GNAS: variants seen among roughly 807,000 people sequenced by gnomAD.
GNAS encodes the protein GNAS complex locus.
In GNAS, 8 loss-of-function variants were observed where a neutral mutation model predicts 54.5. That is an observed-to-expected ratio of 0.15 (90% confidence interval 0.09 to 0.26). GNAS has a LOEUF of 0.26. Ranked by LOEUF, GNAS falls within the 10% of genes least tolerant of loss-of-function variation. The probability of loss-of-function intolerance (pLI) is 1.00; values close to 1 mark genes in which losing one functional copy is unlikely to be tolerated. For missense variants in GNAS, 170 were observed against 529.8 expected (o/e 0.32, Z 6.67); for synonymous variants, 204 against 191.4 (o/e 1.07, Z -0.54).
intron 1 of GNAS, among the ~76,000 whole-genome samples, chr20:58,893,426 T>G (rs1368636432): frequency 2.0e-5 from 3 of 152,202 alleles, no homozygotes; most frequent in African/African-American, 7.2e-5. Context: ...CTGAATAAAT[T>G]TGTGAATTTG....
chr20:58,843,980 A>T (rs2085843257), intron 1 of GNAS: 1 of 152,122 alleles, frequency 6.6e-6, no homozygotes. Flanking sequence ...AGCCTTTCTC[A>T]CCCTGGAGTT....
At chr20:58,878,912 T>TGGGGGGGGGG (rs11086659) in intron 1 of GNAS, among the ~76,000 whole-genome samples, 17 of 95,320 alleles carry the variant, frequency 1.8e-4, no homozygotes, top group Admixed American at 2.2e-4. Flanking sequence ...GGGGTGCGGG[T>TGGGGGGGGGG]GGGGGGGGGA....
chr20:58,854,510 A>T (rs773322632), intron 1 of GNAS: 1 of 1,574,384 alleles, frequency 6.4e-7, no homozygotes. Flanking sequence ...ACTCCGGGAC[A>T]GCACCAGCCG....
intron 1 of GNAS, chr20:58,892,305 G>A (rs1256330175): frequency 2.6e-6 from 1 of 390,630 alleles, no homozygotes; most frequent in East Asian, 1.7e-4. Context: ...GCGGGTAGAG[G>A]GAGGGGGACC....
At chr20:58,894,929 ACAT>A in intron 1 of GNAS, among the ~76,000 whole-genome samples, 1 of 152,224 alleles carries the variant, frequency 6.6e-6, no homozygotes, top group East Asian at 1.9e-4. Context: ...TTCCTCAGCA[ACAT>A]AGTTGTACCC....
At chr20:58,840,319 C>T (rs2085668597), upstream of GNAS, 5 of 1,612,910 alleles carry the variant, frequency 3.1e-6, no homozygotes, top group African/African-American at 4.0e-5. The surrounding 1 kb of genome is among the most constrained non-coding windows in gnomAD (Gnocchi z 6.0). Flanking sequence ...ACCACCGCTC[C>T]GGCGCCCAGG....
chr20:58,840,597 A>ACGCTCTCAAGTTGCGAAGCCC, upstream of GNAS: 1 of 1,610,634 alleles, frequency 6.2e-7, no homozygotes. This position sits in a 1 kb window ranked among gnomAD's most constrained non-coding sequence, Gnocchi z 6.0. Context: ...CAGCGTCTGC[A>ACGCTCTCAAGTTGCGAAGCCC]CGCTCTCAAG....
intron 1 of GNAS, chr20:58,850,565 C>T: frequency 2.5e-6 from 1 of 398,918 alleles, no homozygotes; most frequent in Non-Finnish European, 4.4e-6. Context: ...CCTGGGGCCT[C>T]AACTCCTTAT....
intron 1 of GNAS, among the ~76,000 whole-genome samples, chr20:58,870,236 TTC>T (rs1177205006): frequency 6.6e-6 from 1 of 152,248 alleles, no homozygotes; most frequent in Non-Finnish European, 1.5e-5. Context: ...TTAAAAAATT[TTC>T]TTTTACTTGA....
chr20:58,909,310 T>C lies in GNAS; in HGVS notation c.586-40T>C, dbSNP rs1290569344. The C allele has an allele frequency of 6.3e-7, 1 of 1,593,180 alleles. No homozygotes were observed. The highest frequency in any genetic ancestry group is 1.7e-4 in the Middle Eastern group (1 of 6,028). ...AGATTGGCAATTATTACTGTTTCGGTTGGCTTTGGTGAGATCCATTGACCT... is the reference window on the plus strand; with the variant it reads ...AGATTGGCAATTATTACTGTTTCGGCTGGCTTTGGTGAGATCCATTGACCT... On this transcript the variant is annotated intron_variant, in intron 7 of 12. Coordinates refer to ENST00000371085, the MANE Select transcript of GNAS (RefSeq NM_000516.7). The surrounding 1 kb of genome is among the most constrained non-coding windows in gnomAD (Gnocchi z 7.3).
At chr20:58,848,829 C>T (rs2086043327) in intron 1 of GNAS, 1 of 398,490 alleles carries the variant, frequency 2.5e-6, no homozygotes, top group African/African-American at 2.1e-5. Context: ...GGCCACACTT[C>T]TGGGGTCCCT....
chr20:58,855,130 G>C lies in GNAS; in HGVS notation c.43+14244G>C. The C allele has an allele frequency of 6.2e-7, 1 of 1,613,616 alleles. No homozygotes were observed. Among genetic ancestry groups the C allele is most frequent in the South Asian group, 1.1e-5 (1 of 91,058 alleles). On this transcript the variant is annotated intron_variant, in intron 1 of 12. Coordinates refer to the GNAS transcript ENST00000306090. ...CAAGCCTTCGGGGGCTGCTTCGGTCGATCTGAGAGTCCCCAGCCCAAAGCC... is the reference window on the plus strand; with the variant it reads ...CAAGCCTTCGGGGGCTGCTTCGGTCCATCTGAGAGTCCCCAGCCCAAAGCC...
chr20:58,890,281 ACGACGAGGGCGC>A (rs1006794626), upstream of GNAS, among the ~76,000 whole-genome samples: 14 of 151,054 alleles, frequency 9.3e-5, no homozygotes, highest in East Asian at 3.9e-4. Flanking sequence ...GCCGCCGACG[ACGACGAGGGCGC>A]CGAGGAGGGC....
At chr20:58,847,555 C>T (rs1202147484) in intron 1 of GNAS, among the ~76,000 whole-genome samples, 1 of 152,248 alleles carries the variant, frequency 6.6e-6, no homozygotes, top group African/African-American at 2.4e-5. Flanking sequence ...AAATTCTTTT[C>T]TACCTTCTCT....
upstream of GNAS, chr20:58,889,152 G>A: frequency 5.8e-6 from 7 of 1,213,262 alleles, no homozygotes; most frequent in Non-Finnish European, 7.4e-6. Flanking sequence ...GGGCCGGTTA[G>A]AAGCTCTGCT....
At chr20:58,851,336 C>T (rs1352910326) in intron 1 of GNAS, among the ~76,000 whole-genome samples, 2 of 152,032 alleles carry the variant, frequency 1.3e-5, no homozygotes, top group Admixed American at 6.5e-5. Flanking sequence ...TGCGGTGGTT[C>T]GCCCGCCTGC....
chr20:58,895,140 G>A, intron 1 of GNAS: 1 of 263,022 alleles, frequency 3.8e-6, no homozygotes, highest in Non-Finnish European at 7.4e-6. Context: ...AGACTGCAGT[G>A]TCTGGGCATT....
chr20:58,843,804 C>T (rs938938754), intron 1 of GNAS, among the ~76,000 whole-genome samples: 3 of 152,174 alleles, frequency 2.0e-5, no homozygotes, highest in Non-Finnish European at 4.4e-5. Flanking sequence ...TGTAACTGAA[C>T]TTATCTGAGC....
intron 1 of GNAS, among the ~76,000 whole-genome samples, chr20:58,877,723 A>G (rs1340185079): frequency 1.3e-5 from 2 of 152,178 alleles, no homozygotes; most frequent in African/African-American, 4.8e-5. Flanking sequence ...TCAAGCAAGA[A>G]CGAGAGAACG....
Sources: gnomAD v4.1 joint callset for allele counts (sites outside exome capture counted in the v4.1 genomes callset) on GRCh38, gnomAD v4.1.1 for gene constraint, Gnocchi (gnomAD v3.1) non-coding constraint, MANE v1.5 for transcripts, NCBI Gene and HGNC (gene_info 2026-07-23, HGNC 2026-07-21) for gene names.